GRIK2: variants seen among roughly 807,000 people sequenced by gnomAD.
GRIK2 encodes the protein glutamate receptor ionotropic, kainate 2.
A neutral mutation model predicts 100.3 loss-of-function variants in GRIK2; 32 were observed. That is an observed-to-expected ratio of 0.32 (90% CI 0.24 to 0.43). The LOEUF (loss-of-function observed/expected upper bound fraction) is 0.43. GRIK2 is among the 20% of genes least tolerant of loss of function. The pLI is 1.00. For missense variants in GRIK2, 843 were observed against 1,114.9 expected (o/e 0.76, Z 3.47); for synonymous variants, 417 against 389.4 (o/e 1.07, Z -0.83).
intron 3 of GRIK2, among the ~76,000 whole-genome samples, chr6:101,623,637 T>A (rs1582844466): frequency 1.3e-5 from 2 of 152,046 alleles, no homozygotes; most frequent in Non-Finnish European, 2.9e-5. Flanking sequence ...CACAACAGAG[T>A]ACTATCCTGG....
intron 2 of GRIK2, among the ~76,000 whole-genome samples, chr6:101,454,789 A>T (rs1770905642): frequency 6.6e-6 from 1 of 152,072 alleles, no homozygotes; most frequent in Non-Finnish European, 1.5e-5. Context: ...GCCTGCGAGG[A>T]TTACATGAGC....
intron 14 of GRIK2, among the ~76,000 whole-genome samples, chr6:101,943,503 C>T (rs940506837): frequency 8.5e-5 from 13 of 152,130 alleles, no homozygotes; most frequent in East Asian, 1.9e-4. Flanking sequence ...AACACTAGCC[C>T]GTGAAAGCAG....
chr6:101,795,041 A>G (rs1780197810), intron 7 of GRIK2, among the ~76,000 whole-genome samples: 1 of 151,802 alleles, frequency 6.6e-6, no homozygotes, highest in African/African-American at 2.4e-5. Flanking sequence ...TAACTTTTGT[A>G]TTTTTAGTAG....
intron 7 of GRIK2, chr6:101,744,485 T>C (rs1466573937): frequency 2.2e-4 from 31 of 143,912 alleles, no homozygotes; most frequent in African/African-American, 7.7e-4. Flanking sequence ...CTGAGTAGTA[T>C]TCCATGGTGT....
intron 11 of GRIK2, among the ~76,000 whole-genome samples, chr6:101,864,340 A>T (rs1433524536): frequency 1.3e-5 from 2 of 152,198 alleles, no homozygotes; most frequent in Non-Finnish European, 2.9e-5. Flanking sequence ...AGTGATGCAG[A>T]TCCCTCTGTA....
chr6:102,003,525 A>G (rs983886423), intron 14 of GRIK2, among the ~76,000 whole-genome samples: 1 of 151,800 alleles, frequency 6.6e-6, no homozygotes, highest in Non-Finnish European at 1.5e-5. Context: ...TTAATCTTTA[A>G]CAAATAATTT....
intron 2 of GRIK2, among the ~76,000 whole-genome samples, chr6:101,492,139 G>A (rs2399710): frequency 0.38 from 57,583 of 151,288 alleles, 11,392 homozygotes; most frequent in South Asian, 0.55. Flanking sequence ...GTTTCTATTA[G>A]GGTGATACTT....
At chr6:101,720,293 A>G (rs1036867769) in intron 7 of GRIK2, among the ~76,000 whole-genome samples, 2 of 152,180 alleles carry the variant, frequency 1.3e-5, no homozygotes, top group African/African-American at 2.4e-5. Context: ...TAGCCAATAT[A>G]CTTTTACCAT....
chr6:101,724,651 A>G (rs1562336490), intron 7 of GRIK2, among the ~76,000 whole-genome samples: 1 of 152,012 alleles, frequency 6.6e-6, no homozygotes, highest in African/African-American at 2.4e-5. Context: ...TATGGGATTC[A>G]TCAACTGTGC....
chr6:101,543,553 T>C (rs2518310), intron 2 of GRIK2, among the ~76,000 whole-genome samples: 44,461 of 152,072 alleles, frequency 0.29, 8,232 homozygotes, highest in Non-Finnish European at 0.42. Context: ...ATGATATTTA[T>C]ATGTGTTAAC....
intron 7 of GRIK2, among the ~76,000 whole-genome samples, chr6:101,691,818 C>T (rs1268673573): frequency 6.6e-6 from 1 of 151,868 alleles, no homozygotes; most frequent in East Asian, 1.9e-4. Context: ...AAATGAGCAT[C>T]TTGTATATAC....
At chr6:101,945,778 TC>T (rs1188211692) in intron 14 of GRIK2, among the ~76,000 whole-genome samples, 2 of 152,160 alleles carry the variant, frequency 1.3e-5, no homozygotes, top group African/African-American at 4.8e-5. Context: ...TAACACATGT[TC>T]CTTCCATGAT....
rs139402781 is a variant in GRIK2 at position 101,625,384 on chromosome 6, TAATAAATA to T, written c.284-967_284-960del. 2.6e-3 allele frequency among the ~76,000 whole-genome samples: 382 copies of T among 147,602 alleles called. 2 individuals carry two copies. The highest frequency in any genetic ancestry group is 7.1e-3 in the Middle Eastern group (2 of 280). ...TGAGACTCTATATCAACAAAATAAA[TAATAAATA>T]AATAAATAAATAAATAAATAAATAA... On this transcript the variant is annotated intron_variant, in intron 3 of 16. Transcript: ENST00000369134.
chr6:101,422,783 T>C lies in GRIK2; in HGVS notation c.115+23391T>C, dbSNP rs564015874. Among the ~76,000 whole-genome samples the C allele has an allele frequency of 6.1e-4, 93 of 152,282 alleles. 1 individual carries two copies. The highest frequency in any genetic ancestry group is 6.8e-3 in the Middle Eastern group (2 of 294). On this transcript the variant is annotated intron_variant, in intron 2 of 16. Transcript: ENST00000369134. Reference sequence around the variant, plus strand: ...ATCAAATGACATGATTTAAGTATCATACATATATTTCCCCTTGATTTATTC... The same window carrying C: ...ATCAAATGACATGATTTAAGTATCACACATATATTTCCCCTTGATTTATTC...
chr6:101,469,634 C>T (rs1201141286), intron 2 of GRIK2, among the ~76,000 whole-genome samples: 1 of 152,154 alleles, frequency 6.6e-6, no homozygotes, highest in East Asian at 1.9e-4. Flanking sequence ...CTTCTCCAGT[C>T]AATGTTTTAA....
chr6:101,506,422 A>T (rs1168504028), intron 2 of GRIK2, among the ~76,000 whole-genome samples: 1 of 152,164 alleles, frequency 6.6e-6, no homozygotes, highest in Non-Finnish European at 1.5e-5. Flanking sequence ...ATGGTGCCAA[A>T]CATATTTAAT....
chr6:102,013,553 T>A (rs2114326824), intron 14 of GRIK2, among the ~76,000 whole-genome samples: 1 of 152,280 alleles, frequency 6.6e-6, no homozygotes, highest in East Asian at 1.9e-4. Context: ...CTATTTAGTA[T>A]GATGTTGGCT....
intron 2 of GRIK2, among the ~76,000 whole-genome samples, chr6:101,584,902 A>G (rs1363097750): frequency 6.6e-6 from 1 of 151,970 alleles, no homozygotes; most frequent in African/African-American, 2.4e-5. Context: ...TCTTTTATGT[A>G]GTTACATCAC....
chr6:101,947,494 A>AT (rs200038442), intron 14 of GRIK2, among the ~76,000 whole-genome samples: 1 of 152,280 alleles, frequency 6.6e-6, no homozygotes, highest in East Asian at 1.9e-4. Context: ...TAAAACAAGT[A>AT]TTTTTTAAGG....
Sources: allele counts gnomAD v4.1 joint callset (sites outside exome capture counted in the v4.1 genomes callset), GRCh38; gene constraint gnomAD v4.1.1; transcripts MANE v1.5; gene names NCBI Gene and HGNC (gene_info 2026-07-23, HGNC 2026-07-21).